Variants in RAPGEF5 observed in about 807,000 individuals in gnomAD.
RAPGEF5 encodes M-Ras-regulated GEF.
A neutral mutation model predicts 125.2 loss-of-function variants in RAPGEF5; 65 were observed. The ratio of observed to expected loss-of-function variants is 0.52; its 90% CI spans 0.43 to 0.64. The LOEUF (loss-of-function observed/expected upper bound fraction) is 0.64, where lower values mean the gene tolerates loss of function less well. RAPGEF5 is among the 30% of genes least tolerant of loss of function. The probability of loss-of-function intolerance (pLI) is 0.00; values close to 1 mark genes in which losing one functional copy is unlikely to be tolerated. For missense variants in RAPGEF5, 958 were observed against 1,048.1 expected (o/e 0.91, Z 1.19); for synonymous variants, 391 against 385.9 (o/e 1.01, Z -0.16).
intron 1 of RAPGEF5, among the ~76,000 whole-genome samples, chr7:22,340,942 C>T (rs777399543): frequency 6.6e-6 from 1 of 152,224 alleles, no homozygotes; most frequent in Non-Finnish European, 1.5e-5. Context: ...GGTTCATACA[C>T]TTGAACTTGT....
chr7:22,298,782 A>G (rs911600230), intron 5 of RAPGEF5: 2 of 152,336 alleles, frequency 1.3e-5, no homozygotes, highest in African/African-American at 2.4e-5. Context: ...TACAAATTCA[A>G]TTACTTTAGT....
At chr7:22,299,505 A>G (rs1783146903) in intron 5 of RAPGEF5, among the ~76,000 whole-genome samples, 1 of 152,206 alleles carries the variant, frequency 6.6e-6, no homozygotes. Flanking sequence ...TCCTTTCAAT[A>G]GTCATATATA....
At chr7:22,275,458 T>C (rs948661448) in intron 6 of RAPGEF5, among the ~76,000 whole-genome samples, 1 of 152,192 alleles carries the variant, frequency 6.6e-6, no homozygotes, top group Non-Finnish European at 1.5e-5. Context: ...TTTCAAAGTC[T>C]GAGGCTGAAA....
chr7:22,148,192 G>C (rs1223622929), intron 18 of RAPGEF5, among the ~76,000 whole-genome samples: 1 of 152,196 alleles, frequency 6.6e-6, no homozygotes, highest in African/African-American at 2.4e-5. Flanking sequence ...GCTAAGACCA[G>C]ACAGGCTCTA....
rs762547395 is a variant in RAPGEF5 at position 22,338,331 on chromosome 7, GT to G, written c.231+18498del. Among the ~76,000 whole-genome samples the G allele has an allele frequency of 2.4e-4, 37 of 152,132 alleles. 1 individual carries two copies. The highest frequency in any genetic ancestry group is 2.4e-3 in the Admixed American group (36 of 15,278). On this transcript the variant is annotated intron_variant, in intron 1 of 25. Transcript: ENST00000665637. Reference sequence around the variant, plus strand: ...GCTCTTAAATCACCTCCACACTGAAGTTTTGCTCTCGTTCCAAACTCAGAGA... The same window carrying G: ...GCTCTTAAATCACCTCCACACTGAAGTTTGCTCTCGTTCCAAACTCAGAGA...
At chr7:22,191,598 A>G (rs1397744417) in intron 11 of RAPGEF5, 2 of 471,152 alleles carry the variant, frequency 4.2e-6, no homozygotes, top group South Asian at 1.5e-5. Context: ...TGGCTTTGTG[A>G]GCACATGGCA....
chr7:22,316,479 ATATATATATATT>A (rs547630085), intron 2 of RAPGEF5, among the ~76,000 whole-genome samples: 1,059 of 92,564 alleles, frequency 0.011, 3 homozygotes, highest in African/African-American at 0.034. Flanking sequence ...ATATATATAT[ATATATATATATT>A]TTTTTTTTTT....
At chr7:22,131,014 G>C in intron 24 of RAPGEF5, 23 bp downstream of exon 24, 1 of 1,538,988 alleles carries the variant, frequency 6.5e-7, no homozygotes, top group South Asian at 1.2e-5. Context: ...GTAAAAAAGG[G>C]AGAAGTAATG....
At chr7:22,211,829 C>T (rs1484113943) in intron 9 of RAPGEF5, among the ~76,000 whole-genome samples, 1 of 152,184 alleles carries the variant, frequency 6.6e-6, no homozygotes, top group African/African-American at 2.4e-5. Flanking sequence ...CCTGCATCCT[C>T]CAGCTCCTGC....
At chr7:22,270,414 C>G (rs2128142569) in intron 6 of RAPGEF5, among the ~76,000 whole-genome samples, 1 of 152,268 alleles carries the variant, frequency 6.6e-6, no homozygotes, top group South Asian at 2.1e-4. Flanking sequence ...GCTGAAGAGT[C>G]TTTTATAAGA....
chr7:22,222,170 A>C (rs6461642), intron 8 of RAPGEF5, among the ~76,000 whole-genome samples: 112,919 of 152,038 alleles, frequency 0.74, 42,525 homozygotes, highest in African/African-American at 0.86. Context: ...TTGCTTGAAC[A>C]TGGAGGTGGA....
chr7:22,161,164 G>A (rs71526389), intron 13 of RAPGEF5, among the ~76,000 whole-genome samples: 21,909 of 152,098 alleles, frequency 0.14, 1,800 homozygotes, highest in East Asian at 0.33. Context: ...AGCCGAGATC[G>A]CGCCACTGCA....
chr7:22,212,035 C>T (rs185922404), intron 9 of RAPGEF5, among the ~76,000 whole-genome samples: 11 of 149,416 alleles, frequency 7.4e-5, no homozygotes, highest in Non-Finnish European at 1.3e-4. Context: ...GGCACAATCT[C>T]GGCTCACCAC....
intron 10 of RAPGEF5, 45 bp downstream of exon 10, chr7:22,193,870 A>C: frequency 6.2e-7 from 1 of 1,611,872 alleles, no homozygotes; most frequent in Non-Finnish European, 8.5e-7. Flanking sequence ...GGCAGGGAAA[A>C]GGAAACGGGA....
At chr7:22,158,762 A>T (rs527837712) in intron 14 of RAPGEF5, among the ~76,000 whole-genome samples, 1 of 152,054 alleles carries the variant, frequency 6.6e-6, no homozygotes, top group Non-Finnish European at 1.5e-5. Flanking sequence ...AGTAGCTGGA[A>T]CTACAGGCAT....
chr7:22,219,878 C>T lies in RAPGEF5; in HGVS notation c.984G>A (p.Glu328=). The T allele has an allele frequency of 6.2e-7, 1 of 1,612,264 alleles. No individual in the cohort carries two copies. Among genetic ancestry groups the T allele is most frequent in the Admixed American group, 1.7e-5 (1 of 59,958 alleles). The change falls in exon 9 of 26, where the codon GAG becomes GAA. Residue 328 remains glutamate (E), a synonymous_variant. Coordinates refer to ENST00000665637, the MANE Select transcript of RAPGEF5 (RefSeq NM_012294.5). ...QFLQTDKKEQ[E]KSEHQDDEVT... is the part of the protein sequence containing the mutation. ...GCAAAAGGCTTACGTGTTCAGACTT[C>T]TCCTGTTCTTTTTTGTCCGTCTGCA...
intron 21 of RAPGEF5, among the ~76,000 whole-genome samples, chr7:22,137,581 G>A (rs143259378): frequency 1.3e-5 from 2 of 152,330 alleles, no homozygotes; most frequent in East Asian, 3.9e-4. Flanking sequence ...GTTCCAGCCT[G>A]CTTTTAACAT....
At chr7:22,160,740 C>T (rs1047964531) in intron 13 of RAPGEF5, 125 bp from the exon 14 acceptor site, 61 of 1,172,542 alleles carry the variant, frequency 5.2e-5, no homozygotes, top group Non-Finnish European at 6.3e-5. Flanking sequence ...CGGGTTTCAC[C>T]AGGTGCCAAT....
At chr7:22,235,859 A>G (rs372473473) in intron 7 of RAPGEF5, among the ~76,000 whole-genome samples, 1 of 152,238 alleles carries the variant, frequency 6.6e-6, no homozygotes, top group African/African-American at 2.4e-5. Flanking sequence ...ATCAATATAT[A>G]TAATCATAAA....
Sources: allele counts gnomAD v4.1 joint callset (sites outside exome capture counted in the v4.1 genomes callset), GRCh38; gene constraint gnomAD v4.1.1; transcripts MANE v1.5; gene names NCBI Gene and HGNC (gene_info 2026-07-23, HGNC 2026-07-21).